BRCA2: variants seen among roughly 807,000 people sequenced by gnomAD.
BRCA2 encodes BRCA2 DNA repair associated.
BRCA2 carries 203 observed loss-of-function variants against 276.7 expected under a neutral mutation model. That is an observed-to-expected ratio of 0.73 (90% confidence interval 0.65 to 0.82). The LOEUF (loss-of-function observed/expected upper bound fraction) is 0.82. Ranked by LOEUF, BRCA2 falls within the 40% of genes least tolerant of loss-of-function variation. The probability of loss-of-function intolerance (pLI) is 0.00; values close to 1 mark genes in which losing one functional copy is unlikely to be tolerated. For missense variants in BRCA2, 3,920 were observed against 3,915.0 expected (o/e 1.00, Z -0.03); for synonymous variants, 1,289 against 1,338.4 (o/e 0.96, Z 0.81).
intron 2 of BRCA2, 130 bp from the exon 3 acceptor site, chr13:32,318,947 A>T: frequency 8.1e-7 from 1 of 1,227,850 alleles, no homozygotes; most frequent in Non-Finnish European, 1.1e-6. Flanking sequence ...TTGTTTAATT[A>T]ATATGCCTTA....
rs80359216 is a variant in BRCA2, at chr13:32,394,857, A to T, written c.9425A>T (p.Asp3142Val). ...KSGLLTLFAGDFSVFSASPKE... is the reference protein window; with the variant it reads ...KSGLLTLFAGVFSVFSASPKE... ...GGCCTTCTTACTTTATTTGCTGGAG[A>T]TTTTTCTGTGTTTTCTGCTAGTCCA... Residue 3142 changes from aspartate to valine, a missense_variant, in exon 25 of 27, where the codon GAT (aspartate) becomes GTT (valine). Around this residue, in one of 2 missense-constraint regions of BRCA2, gnomAD observed 657 missense variants for 758.2 expected, o/e 0.87. Transcript: ENST00000380152. The T allele has an allele frequency of 6.2e-7, 1 of 1,613,896 alleles. No individual in the cohort carries two copies. Among genetic ancestry groups the T allele is most frequent in the Admixed American group, 1.7e-5 (1 of 59,990 alleles).
chr13:32,316,917 G>T (rs1048283362), intron 2 of BRCA2, among the ~76,000 whole-genome samples: 1 of 152,206 alleles, frequency 6.6e-6, no homozygotes, highest in Admixed American at 6.5e-5. Context: ...AGAATTTAAG[G>T]CTGGGCGTGG....
At position 32,325,467 on chromosome 13, in the gene BRCA2, T is replaced by A. The variant is rs563279801; in HGVS notation, c.425+283T>A. On this transcript the variant is annotated intron_variant, in intron 4 of 26. Coordinates refer to ENST00000380152, the MANE Select transcript of BRCA2 (RefSeq NM_000059.4). ...ACAGTGGTGAAAAGCAGTAAGTCAG[T>A]CCTTGAATTATCAATTTAAAATAAA... Among the ~76,000 whole-genome samples the A allele has an allele frequency of 2.0e-5, 3 of 152,252 alleles. No individual in the cohort carries two copies. In the East Asian group the frequency reaches 5.8e-4, roughly 29 times the overall value.
chr13:32,376,769 C>G lies in BRCA2; in HGVS notation c.8732C>G (p.Ala2911Gly), dbSNP rs80359130. ...GAELYEAVKN[A>G]ADPAYLEGYF... ...GAGCTTTATGAAGCAGTGAAGAATGCAGCAGACCCAGCTTACCTTGAGGTG... is the reference window on the plus strand; with the variant it reads ...GAGCTTTATGAAGCAGTGAAGAATGGAGCAGACCCAGCTTACCTTGAGGTG... Residue 2911 changes from alanine to glycine, a missense_variant, in exon 21 of 27, where the codon GCA becomes GGA. Around this residue, in one of 2 missense-constraint regions of BRCA2, gnomAD observed 657 missense variants for 758.2 expected, o/e 0.87. Coordinates refer to ENST00000380152, the MANE Select transcript of BRCA2 (RefSeq NM_000059.4). The G allele has an allele frequency of 6.2e-7, 1 of 1,614,006 alleles. No individual in the cohort carries two copies. The highest frequency in any genetic ancestry group is 8.5e-7 in the Non-Finnish European group (1 of 1,180,028).
In BRCA2 at chr13:32,363,142, C is replaced by T. The variant is rs772391020; in HGVS notation, c.7977-37C>T. Reference sequence around the variant, plus strand: ...TTTAAACAGTGGAATTCTAGAGTCACACTTCCTAAAATATGCATTTTTGTT... The same window carrying T: ...TTTAAACAGTGGAATTCTAGAGTCATACTTCCTAAAATATGCATTTTTGTT... On this transcript the variant is annotated intron_variant, in intron 17 of 26. Coordinates refer to ENST00000380152, the MANE Select transcript of BRCA2 (RefSeq NM_000059.4). The T allele has an allele frequency of 1.9e-5, 30 of 1,542,934 alleles. No homozygotes were observed. The highest frequency in any genetic ancestry group is 2.5e-5 in the Non-Finnish European group (28 of 1,118,716).
chr13:32,383,506 G>A (rs534517195), intron 24 of BRCA2, among the ~76,000 whole-genome samples: 1 of 152,268 alleles, frequency 6.6e-6, no homozygotes, highest in East Asian at 1.9e-4. Flanking sequence ...ATATATTGTT[G>A]TTGTGTGATA....
intron 3 of BRCA2, among the ~76,000 whole-genome samples, chr13:32,320,841 G>A (rs936985361): frequency 6.6e-6 from 1 of 152,184 alleles, no homozygotes; most frequent in African/African-American, 2.4e-5. Flanking sequence ...TGGAGATAAC[G>A]TTTTTCAAAA....
At position 32,370,978 on chromosome 13, in the gene BRCA2, G is replaced by A. The variant is rs587780663; in HGVS notation, c.8510G>A (p.Gly2837Glu). 1 of 1,614,018 alleles carries A rather than the reference G, an allele frequency of 6.2e-7. No homozygotes were observed. The highest frequency in any genetic ancestry group is 8.5e-7 in the Non-Finnish European group (1 of 1,179,974). Residue 2837 changes from glycine (G) to glutamate (E), a missense_variant, in exon 20 of 27, where the codon GGA (glycine) becomes GAA (glutamate). Coordinates refer to ENST00000380152, the MANE Select transcript of BRCA2 (RefSeq NM_000059.4). Reference protein sequence around the residue: ...PIQWMEKTSSGLYIFRNEREE... With the variant: ...PIQWMEKTSSELYIFRNEREE... ...CAGTGGATGGAGAAGACATCATCTG[G>A]ATTATACATATTTCGCAATGAAAGA...
intron 26 of BRCA2, 133 bp from the exon 27 acceptor site, chr13:32,398,029 C>T: frequency 1.2e-6 from 1 of 851,462 alleles, no homozygotes; most frequent in East Asian, 2.6e-5. Flanking sequence ...ATCACCTAAC[C>T]TATTAGGAGT....
At chr13:32,381,792 C>G (rs993045429) in intron 24 of BRCA2, among the ~76,000 whole-genome samples, 2 of 152,014 alleles carry the variant, frequency 1.3e-5, no homozygotes, top group African/African-American at 4.8e-5. Flanking sequence ...TACAAACAAG[C>G]CATTTGGAGG....
In BRCA2 at chr13:32,396,938, T is replaced by G. The variant is rs80359225; in HGVS notation, c.9542T>G (p.Met3181Arg). ...TGCAATGAAGCAGAAAACAAGCTTA[T>G]GCATATACTGCATGCAAATGATCCC... is the stretch of plus-strand genomic sequence containing the variant. ...ILCNEAENKL[M>R]HILHANDPKW... The change falls in exon 26 of 27, where the codon ATG becomes AGG. Residue 3181 changes from methionine to arginine, a missense_variant. Physicochemically the swap from Met to Arg is moderately conservative, Grantham distance 91. Coordinates refer to ENST00000380152, the MANE Select transcript of BRCA2 (RefSeq NM_000059.4). 3.1e-6 allele frequency: 5 copies of G among 1,614,114 alleles called. No individual in the cohort carries two copies. Among genetic ancestry groups the G allele is most frequent in the Non-Finnish European group, 4.2e-6 (5 of 1,179,970 alleles).
At chr13:32,397,271 T>A (rs957238660) in intron 26 of BRCA2, among the ~76,000 whole-genome samples, 8 of 152,230 alleles carry the variant, frequency 5.3e-5, no homozygotes, top group African/African-American at 1.9e-4. Context: ...TTACATGTGA[T>A]TGAAAAGTGT....
chr13:32,332,220 A>G, intron 9 of BRCA2, 52 bp from the exon 10 acceptor site: 1 of 1,475,710 alleles, frequency 6.8e-7, no homozygotes, highest in Non-Finnish European at 9.3e-7. Context: ...AGAATAATAT[A>G]AATTATATGG....
At position 32,331,778 on chromosome 13, in the gene BRCA2, T is replaced by C. The variant is rs11571639; in HGVS notation, c.794-494T>C. ...TACCATAGTTTACCTAATCAGGTCATGGAATATTGCATTTTTCTTAGTATG... is the reference window on the plus strand; with the variant it reads ...TACCATAGTTTACCTAATCAGGTCACGGAATATTGCATTTTTCTTAGTATG... On this transcript the variant is annotated intron_variant, in intron 9 of 26. Coordinates refer to ENST00000380152, the MANE Select transcript of BRCA2 (RefSeq NM_000059.4). Among the ~76,000 whole-genome samples, 961 of 152,196 alleles carry C rather than the reference T, an allele frequency of 6.3e-3. 14 individuals carry two copies. The highest frequency in any genetic ancestry group is 0.022 in the African/African-American group (913 of 41,516).
rs183906314 is a variant in BRCA2 at position 32,356,237 on chromosome 13, T to A, written c.7436-191T>A. 8.0e-3 allele frequency among the ~76,000 whole-genome samples: 1,203 copies of A among 150,160 alleles called. 20 individuals carry two copies. Among genetic ancestry groups the A allele is most frequent in the African/African-American group, 0.027 (1,115 of 41,072 alleles). The stretch of plus-strand genomic sequence containing the variant: ...TTGTGTTTTTTTTACTTTTATATAT[T>A]TTTTTTTTGTTTAGTAGAGACAGGG... On this transcript the variant is annotated intron_variant, in intron 14 of 26. Coordinates refer to ENST00000380152, the MANE Select transcript of BRCA2 (RefSeq NM_000059.4).
intron 3 of BRCA2, 98 bp downstream of exon 3, chr13:32,319,423 T>C: frequency 8.0e-7 from 1 of 1,248,362 alleles, no homozygotes; most frequent in African/African-American, 1.5e-5. Context: ...TGTGTCATGC[T>C]GGGCAAATCA....
At chr13:32,322,713 G>C (rs564272167) in intron 3 of BRCA2, among the ~76,000 whole-genome samples, 1 of 152,340 alleles carries the variant, frequency 6.6e-6, no homozygotes, top group East Asian at 1.9e-4. Flanking sequence ...TTTGGGGCCA[G>C]TTCCCAACAG....
intron 24 of BRCA2, among the ~76,000 whole-genome samples, chr13:32,391,028 G>T (rs1030133887): frequency 6.6e-6 from 1 of 152,140 alleles, no homozygotes; most frequent in African/African-American, 2.4e-5. Context: ...AAGCTCTTAG[G>T]TTCTTTCTTA....
intron 10 of BRCA2, among the ~76,000 whole-genome samples, 186 bp from the exon 11 acceptor site, chr13:32,336,078 CT>C (rs1453234509): frequency 6.6e-6 from 1 of 151,928 alleles, no homozygotes; most frequent in Non-Finnish European, 1.5e-5. Flanking sequence ...CATGGTCTCA[CT>C]ATGTTGCCCA....
Sources: allele counts gnomAD v4.1 joint callset (sites outside exome capture counted in the v4.1 genomes callset), GRCh38; gene constraint gnomAD v4.1.1; regional missense constraint gnomAD v4.1.1; transcripts MANE v1.5; gene names NCBI Gene and HGNC (gene_info 2026-07-23, HGNC 2026-07-21).